Variants in GAB2 observed in about 807,000 individuals in gnomAD.
GAB2 encodes the protein GRB2-associated-binding protein 2.
A neutral mutation model predicts 65.5 loss-of-function variants in GAB2; 26 were observed. That is an observed-to-expected ratio of 0.40 (90% CI 0.29 to 0.55). GAB2 has a LOEUF of 0.55. Ranked by LOEUF, GAB2 falls within the 20% of genes least tolerant of loss-of-function variation. The probability of loss-of-function intolerance (pLI) is 0.53; values close to 1 mark genes in which losing one functional copy is unlikely to be tolerated. For synonymous variants in GAB2, 321 were observed against 329.6 expected (o/e 0.97, Z 0.28); for missense variants, 884 against 875.8 (o/e 1.01, Z -0.12).
intron 1 of GAB2, among the ~76,000 whole-genome samples, chr11:78,376,222 T>C (rs949276492): frequency 5.9e-5 from 9 of 152,184 alleles, no homozygotes; most frequent in African/African-American, 1.7e-4. Context: ...ACATCCCAGA[T>C]GTGAACTCAA....
rs201168302 is a variant in GAB2 at position 78,226,954 on chromosome 11, C to T, written c.718G>A (p.Gly240Arg). Residue 240 changes from glycine (G) to arginine (R), a missense_variant, in exon 4 of 10, where the codon GGG (glycine) becomes AGG (arginine). Transcript: ENST00000361507. Reference protein sequence around the residue: ...LAQGNGHCVNGISGQVHGFYS... With the variant: ...LAQGNGHCVNRISGQVHGFYS... ...AAGCCATGGACTTGACCACTGATCC[C>T]GTTGACACAGTGTCCATTGCCCTGG... The T allele has an allele frequency of 5.6e-6, 9 of 1,613,588 alleles. No homozygotes were observed. Among genetic ancestry groups the T allele is most frequent in the Middle Eastern group, 1.6e-4 (1 of 6,062 alleles).
At chr11:78,268,197 G>T (rs1469108716) in intron 2 of GAB2, among the ~76,000 whole-genome samples, 1 of 152,024 alleles carries the variant, frequency 6.6e-6, no homozygotes, top group African/African-American at 2.4e-5. Context: ...TGTGAGATTT[G>T]GTTAAAAAGC....
chr11:78,255,731 C>G (rs1185969859), intron 2 of GAB2, among the ~76,000 whole-genome samples: 2 of 152,204 alleles, frequency 1.3e-5, no homozygotes, highest in Admixed American at 6.5e-5. Flanking sequence ...AAGTGGAGTA[C>G]ATTCTACATG....
At chr11:78,312,155 A>G (rs1216621140) in intron 1 of GAB2, among the ~76,000 whole-genome samples, 2 of 151,742 alleles carry the variant, frequency 1.3e-5, no homozygotes, top group African/African-American at 2.4e-5. Context: ...TGTTTACTGT[A>G]AACTCTGAGC....
intron 1 of GAB2, among the ~76,000 whole-genome samples, chr11:78,358,799 C>T (rs1026920081): frequency 3.9e-5 from 6 of 151,996 alleles, no homozygotes; most frequent in Non-Finnish European, 5.9e-5. Flanking sequence ...ATGACAGAAT[C>T]GTATCTTCAA....
intron 2 of GAB2, among the ~76,000 whole-genome samples, chr11:78,261,173 G>A (rs538515025): frequency 2.0e-5 from 3 of 152,036 alleles, no homozygotes; most frequent in Admixed American, 2.0e-4. Flanking sequence ...GTCCCAGACT[G>A]GGGGGCTGGG....
At chr11:78,301,591 TC>T (rs1867021627) in intron 1 of GAB2, among the ~76,000 whole-genome samples, 2 of 152,170 alleles carry the variant, frequency 1.3e-5, no homozygotes, top group African/African-American at 4.8e-5. Flanking sequence ...CCTTGGCCTC[TC>T]AAAGTGTTGG....
chr11:78,250,536 C>A, intron 2 of GAB2, 136 bp from the exon 3 acceptor site: 4 of 765,774 alleles, frequency 5.2e-6, no homozygotes. Context: ...CTCTCATATA[C>A]CTGCCCCTTG....
chr11:78,344,943 T>C (rs184410173), intron 1 of GAB2, among the ~76,000 whole-genome samples: 52 of 152,322 alleles, frequency 3.4e-4, no homozygotes, highest in African/African-American at 1.2e-3. Context: ...TCCTCAAATT[T>C]TATAATAAGC....
At chr11:78,272,098 T>C (rs960333014) in intron 2 of GAB2, among the ~76,000 whole-genome samples, 4 of 152,336 alleles carry the variant, frequency 2.6e-5, no homozygotes, top group Middle Eastern at 6.8e-3. Flanking sequence ...TATGTCTCTC[T>C]CTCTTTTATT....
At chr11:78,302,019 C>T (rs1208280781) in intron 1 of GAB2, among the ~76,000 whole-genome samples, 1 of 152,186 alleles carries the variant, frequency 6.6e-6, no homozygotes, top group Non-Finnish European at 1.5e-5. Context: ...CCTCGTCTCT[C>T]ACCTTATATA....
intron 1 of GAB2, among the ~76,000 whole-genome samples, chr11:78,379,373 G>A (rs187130085): frequency 3.3e-5 from 5 of 152,328 alleles, no homozygotes; most frequent in African/African-American, 1.2e-4. Context: ...AGTATCTCTT[G>A]AGTCAATTAA....
intron 1 of GAB2, among the ~76,000 whole-genome samples, chr11:78,292,753 A>G (rs571568180): frequency 6.6e-6 from 1 of 152,232 alleles, no homozygotes; most frequent in East Asian, 1.9e-4. Flanking sequence ...TCCTTCGACT[A>G]CTCTGGACCA....
chr11:78,372,200 A>C (rs1591071422), intron 1 of GAB2, among the ~76,000 whole-genome samples: 2 of 152,224 alleles, frequency 1.3e-5, no homozygotes, highest in South Asian at 4.1e-4. Context: ...ATCCTCTATA[A>C]GTTTACAAAG....
chr11:78,362,476 C>A (rs1169558271), intron 1 of GAB2, among the ~76,000 whole-genome samples: 2 of 151,610 alleles, frequency 1.3e-5, no homozygotes, highest in Non-Finnish European at 2.9e-5. Flanking sequence ...AATGTTCAAT[C>A]CAAAAGGTAA....
intron 1 of GAB2, among the ~76,000 whole-genome samples, chr11:78,380,013 T>C (rs1396348079): frequency 6.6e-6 from 1 of 152,360 alleles, no homozygotes; most frequent in Non-Finnish European, 1.5e-5. Context: ...TAAAAAGTGA[T>C]TGAAAGCTAG....
chr11:78,310,999 C>G (rs1413888697), intron 1 of GAB2, among the ~76,000 whole-genome samples: 1 of 152,066 alleles, frequency 6.6e-6, no homozygotes, highest in Non-Finnish European at 1.5e-5. Flanking sequence ...ACTGAAGAAC[C>G]CTGTTAAAAT....
rs1864139525 is a variant in GAB2, at chr11:78,216,227, C to G, written c.*3045G>C. 2.6e-5 allele frequency: 4 copies of G among 152,536 alleles called. No homozygotes were observed. In the South Asian group the frequency reaches 8.3e-4, roughly 32 times the overall value. 9.4% of individuals were successfully genotyped at this position (152,536 alleles called of 1,614,324 possible). On this transcript the variant is annotated 3_prime_UTR_variant, in exon 10 of 10. Coordinates refer to ENST00000361507, the MANE Select transcript of GAB2 (RefSeq NM_080491.3). ...TCTCATCGTTCTCACTTGACTTAAC[C>G]TTGCAGAAGTGGAGCTGGAAGTGGG...
At chr11:78,373,757 T>C (rs1856600993) in intron 1 of GAB2, among the ~76,000 whole-genome samples, 1 of 152,200 alleles carries the variant, frequency 6.6e-6, no homozygotes, top group South Asian at 2.1e-4. Flanking sequence ...CCCAACTTTC[T>C]TGGTTCCCAG....
Sources: gnomAD v4.1 joint callset for allele counts (sites outside exome capture counted in the v4.1 genomes callset) on GRCh38, gnomAD v4.1.1 for gene constraint, MANE v1.5 for transcripts, NCBI Gene and HGNC (gene_info 2026-07-23, HGNC 2026-07-21) for gene names.